Variants in TCF25 observed in about 807,000 individuals in gnomAD.
TCF25 encodes the protein ribosome quality control complex subunit TCF25.
TCF25 carries 41 observed loss-of-function variants against 83.1 expected under a neutral mutation model. The ratio of observed to expected loss-of-function variants is 0.49; its 90% CI spans 0.38 to 0.64. TCF25 has a LOEUF of 0.64. TCF25 is among the 30% of genes least tolerant of loss of function. The pLI, the probability that TCF25 is intolerant of heterozygous loss-of-function variation, is 0.00. For synonymous variants in TCF25, 458 were observed against 365.0 expected (o/e 1.25, Z -2.90); for missense variants, 979 against 914.5 (o/e 1.07, Z -0.91).
chr16:89,897,753 A>G lies in TCF25; in HGVS notation c.1023-804A>G, dbSNP rs72813430. On this transcript the variant is annotated intron_variant, in intron 9 of 17. Coordinates refer to ENST00000263346, the MANE Select transcript of TCF25 (RefSeq NM_014972.3). ...CACTGTTGAGATTGGAGGATAAATTAAGATCGTAATTGTAACAAGAGATTT... is the reference window on the plus strand; with the variant it reads ...CACTGTTGAGATTGGAGGATAAATTGAGATCGTAATTGTAACAAGAGATTT... 2.2e-3 allele frequency among the ~76,000 whole-genome samples: 333 copies of G among 152,318 alleles called. 3 individuals carry two copies. Among genetic ancestry groups the G allele is most frequent in the Non-Finnish European group, 2.5e-3 (170 of 68,030 alleles).
At chr16:89,903,337 G>A (rs1004981231) in intron 12 of TCF25, among the ~76,000 whole-genome samples, 4 of 152,202 alleles carry the variant, frequency 2.6e-5, no homozygotes, top group African/African-American at 4.8e-5. Context: ...GGTGGCCTCC[G>A]CTCCCACCAG....
rs764403605 is a variant in TCF25, at chr16:89,904,799, C to T, written c.1470-139C>T. On this transcript the variant is annotated intron_variant, in intron 13 of 17. Coordinates refer to ENST00000263346, the MANE Select transcript of TCF25 (RefSeq NM_014972.3). ...CCCCAGCCCCACGCCCTCAGGCCAGCAGCCCAGGGGCCTCCTTTCACTCCA... is the reference window on the plus strand; with the variant it reads ...CCCCAGCCCCACGCCCTCAGGCCAGTAGCCCAGGGGCCTCCTTTCACTCCA... 12 of 1,050,060 alleles carry T rather than the reference C, an allele frequency of 1.1e-5. No individual in the cohort carries two copies. The South Asian group carries it at 1.4e-4, about 12-fold the overall frequency. 65.0% of individuals were successfully genotyped at this position (1,050,060 alleles called of 1,614,324 possible). A position where few individuals can be genotyped will look rare whatever the true frequency, so the allele number is the denominator to read the frequency against.
Position 89,884,575 on chromosome 16 carries a change from T to C in TCF25, c.355-7T>C. On this transcript the variant is annotated splice_polypyrimidine_tract_variant and splice_region_variant and intron_variant, in intron 2 of 17. Transcript: ENST00000263346. Reference sequence around the variant, plus strand: ...TTCTACTGATGAAAATGTGTTTCTATCATTAGTCTCATGCAAGTGGCAAAC... The same window carrying C: ...TTCTACTGATGAAAATGTGTTTCTACCATTAGTCTCATGCAAGTGGCAAAC... 2 of 1,613,000 alleles carry C rather than the reference T, an allele frequency of 1.2e-6. No homozygotes were observed. Among genetic ancestry groups the C allele is most frequent in the Non-Finnish European group, 1.7e-6 (2 of 1,179,490 alleles).
rs764174576 is a variant in TCF25 at position 89,885,868 on chromosome 16, C to T, written c.450C>T (p.Ile150=). The T allele has an allele frequency of 7.4e-6, 12 of 1,612,830 alleles. No homozygotes were observed. The highest frequency in any genetic ancestry group is 1.6e-4 in the Middle Eastern group (1 of 6,062). The part of the protein sequence containing the change: ...GEASENGLED[I]DRILERIEDS... ...TTTAGGAAAACGGACTAGAAGATATCGATCGCATCCTAGAGAGGATTGAGG... is the reference window on the plus strand; with the variant it reads ...TTTAGGAAAACGGACTAGAAGATATTGATCGCATCCTAGAGAGGATTGAGG... The change falls in exon 4 of 18, where the codon ATC becomes ATT. Residue 150 remains isoleucine (I), a synonymous_variant. Transcript: ENST00000263346.
rs2144183861 is a variant in TCF25 at position 89,898,815 on chromosome 16, C to T, written c.1164C>T (p.His388=). The T allele has an allele frequency of 6.2e-7, 1 of 1,613,956 alleles. No individual in the cohort carries two copies. Among genetic ancestry groups the T allele is most frequent in the East Asian group, 2.2e-5 (1 of 44,886 alleles). The change falls in exon 11 of 18, where the codon CAC becomes CAT. Residue 388 remains histidine, a synonymous_variant. Transcript: ENST00000263346. ...TCTGCATGCTGCTGCTCATCGACCA[C>T]CTGGCCTTGCGGGCCCGGAACTACG... ...DPLCMLLLID[H]LALRARNYEY...
intron 16 of TCF25, chr16:89,909,270 G>A (rs1247961119): frequency 2.7e-6 from 2 of 732,438 alleles, no homozygotes; most frequent in Non-Finnish European, 3.9e-6. Context: ...CCAGCAGTTT[G>A]AGAGGCCAAG....
At position 89,904,122 on chromosome 16, in the gene TCF25, C is replaced by A; in HGVS notation, c.1386C>A (p.Leu462=). 1.2e-6 allele frequency: 2 copies of A among 1,605,998 alleles called. No individual in the cohort carries two copies. Among genetic ancestry groups the A allele is most frequent in the Non-Finnish European group, 8.5e-7 (1 of 1,176,558 alleles). ...QQALTMFPGV[L]LPLLESCSVR... The stretch of plus-strand genomic sequence containing the variant: ...GAGCCTCCGCTTCCCCTGCAGTCCT[C>A]CTGCCCCTGCTCGAGTCTTGCAGTG... Residue 462 remains leucine (L), a synonymous_variant, in exon 13 of 18, where the codon CTC becomes CTA. Transcript: ENST00000263346.
At chr16:89,874,859 C>T (rs1021753685) in intron 1 of TCF25, 5 of 151,908 alleles carry the variant, frequency 3.3e-5, no homozygotes, top group Admixed American at 2.6e-4. Flanking sequence ...AACAATCTGT[C>T]CACCTCAGCC....
Position 89,898,807 on chromosome 16 carries a change from A to C in TCF25, c.1156A>C (p.Ile386Leu), listed in dbSNP as rs377043042. The C allele has an allele frequency of 6.2e-7, 1 of 1,613,910 alleles. No individual in the cohort carries two copies. Among genetic ancestry groups the C allele is most frequent in the Non-Finnish European group, 8.5e-7 (1 of 1,180,034 alleles). Residue 386 changes from isoleucine to leucine, a missense_variant, in exon 11 of 18, where the codon ATC (isoleucine) becomes CTC (leucine). Physicochemically the swap from Ile to Leu is conservative, Grantham distance 5. Coordinates refer to ENST00000263346, the MANE Select transcript of TCF25 (RefSeq NM_014972.3). ...GGACCCCCTCTGCATGCTGCTGCTC[A>C]TCGACCACCTGGCCTTGCGGGCCCG... ...DEDPLCMLLL[I>L]DHLALRARNY... is the part of the protein sequence containing the mutation.
At chr16:89,900,272 TCA>T (rs1458492065) in intron 11 of TCF25, among the ~76,000 whole-genome samples, 9 of 152,070 alleles carry the variant, frequency 5.9e-5, no homozygotes, top group South Asian at 2.1e-4. Flanking sequence ...TGGGCTGCTC[TCA>T]CAGACTCGCG....
chr16:89,894,959 A>G, intron 7 of TCF25, 79 bp from the exon 8 acceptor site: 2 of 1,332,186 alleles, frequency 1.5e-6, no homozygotes, highest in Non-Finnish European at 1.1e-6. Context: ...CTGGTTTTAA[A>G]TGTCTGAAAA....
intron 16 of TCF25, among the ~76,000 whole-genome samples, chr16:89,908,248 G>GCTCCCAC (rs2045138444): frequency 1.5e-5 from 1 of 66,532 alleles, no homozygotes; most frequent in Non-Finnish European, 2.8e-5. Context: ...CCACCTCCCA[G>GCTCCCAC]CTCCCACCTC....
chr16:89,889,133 G>T lies in TCF25; in HGVS notation c.614+1416G>T, dbSNP rs1206679179. On this transcript the variant is annotated intron_variant, in intron 5 of 17. Coordinates refer to ENST00000263346, the MANE Select transcript of TCF25 (RefSeq NM_014972.3). Reference sequence around the variant, plus strand: ...GGGGTGTCTGCTTCTGGGACTTTATGTAGGAGGTATATTCCACCTCTGGAC... The same window carrying T: ...GGGGTGTCTGCTTCTGGGACTTTATTTAGGAGGTATATTCCACCTCTGGAC... 3 of 312,280 alleles carry T rather than the reference G, an allele frequency of 9.6e-6. No homozygotes were observed. The Admixed American group carries it at 1.4e-4, about 14-fold the overall frequency. 19.3% of individuals were successfully genotyped at this position (312,280 alleles called of 1,614,324 possible). A position where few individuals can be genotyped will look rare whatever the true frequency, so the allele number is the denominator to read the frequency against.
chr16:89,908,787 G>T (rs2045289023), intron 16 of TCF25, among the ~76,000 whole-genome samples: 1 of 135,716 alleles, frequency 7.4e-6, no homozygotes, highest in South Asian at 2.2e-4. Context: ...CCTCCTCCCA[G>T]TTTCCACCTC....
intron 9 of TCF25, among the ~76,000 whole-genome samples, chr16:89,896,433 C>G (rs2043851984): frequency 6.6e-6 from 1 of 151,972 alleles, no homozygotes; most frequent in Non-Finnish European, 1.5e-5. Context: ...CCTGGCTGGG[C>G]ACAGTGGTTC....
chr16:89,873,734 G>A lies in TCF25; in HGVS notation c.67G>A (p.Ala23Thr). ...CGGCCAGGAGCCCCTCGGGCCCGGC[G>A]CCTTGCATTTCGATCTCCGTGATGA... ...QRGQEPLGPG[A>T]LHFDLRDDDD... Residue 23 changes from alanine (A) to threonine (T), a missense_variant, in exon 1 of 18, where the codon GCC becomes ACC. Transcript: ENST00000263346. The A allele has an allele frequency of 6.2e-7, 1 of 1,611,212 alleles. No individual in the cohort carries two copies. Among genetic ancestry groups the A allele is most frequent in the Non-Finnish European group, 8.5e-7 (1 of 1,179,350 alleles).
intron 11 of TCF25, among the ~76,000 whole-genome samples, chr16:89,899,792 C>G (rs2044175115): frequency 6.6e-6 from 1 of 152,058 alleles, no homozygotes; most frequent in African/African-American, 2.4e-5. Flanking sequence ...TGGGGCAGCA[C>G]TTATCTGGAA....
chr16:89,886,545 C>T (rs1476081805), intron 4 of TCF25, among the ~76,000 whole-genome samples: 1 of 151,894 alleles, frequency 6.6e-6, no homozygotes, highest in African/African-American at 2.4e-5. Context: ...GGCAGATCAC[C>T]TGAGGTCAGG....
intron 12 of TCF25, among the ~76,000 whole-genome samples, chr16:89,901,255 G>C (rs1016599849): frequency 2.0e-5 from 3 of 152,238 alleles, no homozygotes; most frequent in Non-Finnish European, 4.4e-5. Flanking sequence ...GGGTAGCTTC[G>C]ATCCACGCAC....
Sources: gnomAD v4.1 joint callset for allele counts (sites outside exome capture counted in the v4.1 genomes callset) on GRCh38, gnomAD v4.1.1 for gene constraint, MANE v1.5 for transcripts, NCBI Gene and HGNC (gene_info 2026-07-23, HGNC 2026-07-21) for gene names.